NR6A1: variants seen among roughly 807,000 people sequenced by gnomAD.
NR6A1 encodes retinoic acid receptor-related testis-associated receptor.
In NR6A1, 7 loss-of-function variants were observed where a neutral mutation model predicts 59.1. The observed-to-expected ratio is 0.12, with a 90% confidence interval of 0.07 to 0.22. The LOEUF (loss-of-function observed/expected upper bound fraction) is 0.22. Among genes scored for constraint, NR6A1 ranks in the 10% least tolerant of loss-of-function variants. The pLI, the probability that NR6A1 is intolerant of heterozygous loss-of-function variation, is 1.00. For synonymous variants in NR6A1, 243 were observed against 236.1 expected (o/e 1.03, Z -0.27); for missense variants, 468 against 611.6 (o/e 0.77, Z 2.48).
intron 2 of NR6A1, among the ~76,000 whole-genome samples, chr9:124,665,275 C>T (rs1318976151): frequency 6.6e-6 from 1 of 151,968 alleles, no homozygotes; most frequent in Admixed American, 6.6e-5. Context: ...ACTGCCTTGC[C>T]ATTTGTTGAA....
chr9:124,763,196 G>A (rs924343384), intron 1 of NR6A1, among the ~76,000 whole-genome samples: 2 of 152,082 alleles, frequency 1.3e-5, no homozygotes, highest in Non-Finnish European at 2.9e-5. Flanking sequence ...TGTACTCAAG[G>A]GTCAAGATTT....
At position 124,540,178 on chromosome 9, in the gene NR6A1, C is replaced by T. The variant is rs764231139; in HGVS notation, c.451G>A (p.Glu151Lys). The change falls in exon 5 of 10, where the codon GAA becomes AAA. Residue 151 changes from glutamate (E) to lysine (K), a missense_variant. Glu to Lys is a moderately conservative substitution (Grantham distance 56). This residue lies in a region of NR6A1 where 151 missense variants were observed against 142.8 expected (regional missense o/e 1.06). Transcript: ENST00000487099. ...CCAGACATGATCCTTTCGATTTCTT[C>T]TTCCGATATCTTTGACAAGGAATTG... ...KSIGPVQISE[E>K]EIERIMSGQE... 1.2e-6 allele frequency: 2 copies of T among 1,613,148 alleles called. No homozygotes were observed. Among genetic ancestry groups the T allele is most frequent in the Non-Finnish European group, 8.5e-7 (1 of 1,179,596 alleles).
chr9:124,568,188 A>AAG (rs1834328716), intron 2 of NR6A1, among the ~76,000 whole-genome samples: 2 of 148,016 alleles, frequency 1.4e-5, no homozygotes, highest in Non-Finnish European at 3.0e-5. Flanking sequence ...AAAAAAAAAA[A>AAG]AAAAAAAGAA....
At chr9:124,647,450 G>A (rs777235740) in intron 2 of NR6A1, among the ~76,000 whole-genome samples, 4 of 152,052 alleles carry the variant, frequency 2.6e-5, no homozygotes, top group Non-Finnish European at 4.4e-5. Flanking sequence ...AATGGGGGCC[G>A]GCCGCAGTGG....
intron 2 of NR6A1, among the ~76,000 whole-genome samples, chr9:124,709,910 C>T (rs1839228754): frequency 6.7e-6 from 1 of 150,358 alleles, no homozygotes; most frequent in Non-Finnish European, 1.5e-5. Flanking sequence ...CATGCCACTG[C>T]ACTCCAGCCT....
chr9:124,627,882 CTTTTTTTTTTTTTT>C (rs59874800), intron 2 of NR6A1, among the ~76,000 whole-genome samples: 12 of 83,740 alleles, frequency 1.4e-4, no homozygotes, highest in South Asian at 5.1e-4. Context: ...CTGAGATTTT[CTTTTTTTTTTTTTT>C]TTTTTTTTTT....
intron 2 of NR6A1, among the ~76,000 whole-genome samples, chr9:124,727,953 G>A (rs1839771105): frequency 1.3e-5 from 2 of 151,936 alleles, no homozygotes; most frequent in Admixed American, 6.6e-5. Context: ...ACAGTACTAG[G>A]ATTACAGGTA....
Position 124,526,839 on chromosome 9 carries a change from G to A in NR6A1, c.1141C>T (p.Gln381Ter), listed in dbSNP as rs1165666710. Residue 381 changes from glutamine to a stop codon, truncating the protein, a stop_gained, in exon 8 of 10, where the codon CAG becomes TAG. Transcript: ENST00000487099. LOFTEE classifies it high-confidence loss of function. ...TACTCCTCGTTGCTGACCTTTAGCTGATGGAACTTGTGATAGAGGTAGATG... is the reference window on the plus strand; with the variant it reads ...TACTCCTCGTTGCTGACCTTTAGCTAATGGAACTTGTGATAGAGGTAGATG... ...RLIYLYHKFH[Q>*]LKVSNEEYAC... 6.2e-7 allele frequency: 1 copy of A among 1,614,112 alleles called. No individual in the cohort carries two copies.
At chr9:124,756,766 T>C (rs2131185410) in intron 1 of NR6A1, among the ~76,000 whole-genome samples, 1 of 152,316 alleles carries the variant, frequency 6.6e-6, no homozygotes, top group Non-Finnish European at 1.5e-5. Flanking sequence ...CATTAAAGAC[T>C]GTGGGAGATG....
rs57250774 is a variant in NR6A1, at chr9:124,728,637, A to AAAATAAATAAATAAATAAAT, written c.142+4651_142+4670dup. On this transcript the variant is annotated intron_variant, in intron 2 of 9. Coordinates refer to ENST00000487099, the MANE Select transcript of NR6A1 (RefSeq NM_033334.4). Reference sequence around the variant, plus strand: ...GTGACAGAGCGAGACTCCGCCTCAAAAAATAAATAAATAAATAAATAAATA... The same window carrying AAAATAAATAAATAAATAAAT: ...GTGACAGAGCGAGACTCCGCCTCAAAAAATAAATAAATAAATAAATAAATAAATAAATAAATAAATAAATA... 4.5e-3 allele frequency among the ~76,000 whole-genome samples: 648 copies of AAAATAAATAAATAAATAAAT among 144,924 alleles called. 4 individuals carry two copies. The highest frequency in any genetic ancestry group is 0.03 in the East Asian group (145 of 4,760).
At chr9:124,724,121 T>C (rs1488165093) in intron 2 of NR6A1, among the ~76,000 whole-genome samples, 1 of 152,190 alleles carries the variant, frequency 6.6e-6, no homozygotes, top group African/African-American at 2.4e-5. Context: ...GTGAAAATCG[T>C]TTCATGACTT....
At chr9:124,655,767 CA>C (rs1564221189) in intron 2 of NR6A1, among the ~76,000 whole-genome samples, 1 of 152,194 alleles carries the variant, frequency 6.6e-6, no homozygotes, top group Admixed American at 6.5e-5. Flanking sequence ...AAAACCCTTA[CA>C]ACTTATAAAG....
chr9:124,561,219 T>G (rs1834076045), intron 2 of NR6A1, among the ~76,000 whole-genome samples: 1 of 152,154 alleles, frequency 6.6e-6, no homozygotes, highest in African/African-American at 2.4e-5. Flanking sequence ...GTGGATCACT[T>G]GAGCCCAGGA....
intron 2 of NR6A1, among the ~76,000 whole-genome samples, chr9:124,554,872 A>G (rs1044460018): frequency 6.6e-6 from 1 of 152,086 alleles, no homozygotes; most frequent in Non-Finnish European, 1.5e-5. Flanking sequence ...CTCATCTATA[A>G]CCCATCAATT....
Position 124,554,391 on chromosome 9 carries a change from G to C in NR6A1, c.322C>G (p.Gln108Glu). Residue 108 changes from glutamine (Q) to glutamate (E), a missense_variant, in exon 3 of 10, where the codon CAG becomes GAG. Around this residue, in one of 4 missense-constraint regions of NR6A1, gnomAD observed 66 missense variants for 139.2 expected, o/e 0.47. Coordinates refer to ENST00000487099, the MANE Select transcript of NR6A1 (RefSeq NM_033334.4). The stretch of plus-strand genomic sequence containing the variant: ...CGGCAGTACTGGCACCTGTTCCTCT[G>C]CTTCCGAGACATGACACAGTTCTTG... Reference protein sequence around the residue: ...RDKNCVMSRKQRNRCQYCRLL... With the variant: ...RDKNCVMSRKERNRCQYCRLL... 6.2e-7 allele frequency: 1 copy of C among 1,614,148 alleles called. No homozygotes were observed. The highest frequency in any genetic ancestry group is 8.5e-7 in the Non-Finnish European group (1 of 1,180,010).
intron 2 of NR6A1, among the ~76,000 whole-genome samples, chr9:124,641,211 T>C (rs1466775559): frequency 2.6e-5 from 4 of 151,606 alleles, no homozygotes; most frequent in Non-Finnish European, 5.9e-5. Flanking sequence ...ATAAAAAAAT[T>C]AGCTGAGCAT....
At chr9:124,770,439 G>A (rs1052912674) in intron 1 of NR6A1, 15 of 152,296 alleles carry the variant, frequency 9.8e-5, no homozygotes, top group African/African-American at 3.6e-4. Flanking sequence ...GGCTGCAGAA[G>A]AGGAAAACGC....
chr9:124,564,138 G>A (rs1439590741), intron 2 of NR6A1, among the ~76,000 whole-genome samples: 1 of 152,048 alleles, frequency 6.6e-6, no homozygotes, highest in Non-Finnish European at 1.5e-5. Flanking sequence ...TATAAATAGT[G>A]CTTTAATTTA....
intron 2 of NR6A1, among the ~76,000 whole-genome samples, chr9:124,565,912 A>G (rs1207357134): frequency 6.6e-6 from 1 of 152,260 alleles, no homozygotes; most frequent in East Asian, 1.9e-4. Flanking sequence ...GCATGTCACT[A>G]TTAAAGTGGA....
Sources: allele counts gnomAD v4.1 joint callset (sites outside exome capture counted in the v4.1 genomes callset), GRCh38; gene constraint gnomAD v4.1.1; regional missense constraint gnomAD v4.1.1; transcripts MANE v1.5; gene names NCBI Gene and HGNC (gene_info 2026-07-23, HGNC 2026-07-21).